ADAM2: variants seen among roughly 807,000 people sequenced by gnomAD.
The protein encoded by ADAM2 is ADAM metallopeptidase domain 2, also known as disintegrin and metalloproteinase domain-containing protein 2.
ADAM2 carries 101 observed loss-of-function variants against 99.3 expected under a neutral mutation model. The observed-to-expected ratio is 1.02, with a 90% CI of 0.87 to 1.20. The LOEUF (loss-of-function observed/expected upper bound fraction) is 1.20. Among genes scored for constraint, ADAM2 ranks in the 50% most tolerant of loss-of-function variants. The probability of loss-of-function intolerance (pLI) is 0.00; values close to 1 mark genes in which losing one functional copy is unlikely to be tolerated. For missense variants in ADAM2, 948 were observed against 878.7 expected, an observed-to-expected ratio of 1.08 and a Z score of -1.00; for synonymous variants, 323 against 287.6, an observed-to-expected ratio of 1.12 and a Z score of -1.25.
At chr8:39,748,675 G>A (rs567086313) in intron 18 of ADAM2, among the ~76,000 whole-genome samples, 4 of 152,212 alleles carry the variant, frequency 2.6e-5, no homozygotes, top group Admixed American at 6.5e-5. Flanking sequence ...ACAGGGAACC[G>A]CACTGCCCAA....
chr8:39,827,093 A>G (rs567044455), intron 3 of ADAM2, among the ~76,000 whole-genome samples: 1 of 152,316 alleles, frequency 6.6e-6, no homozygotes, highest in Admixed American at 6.5e-5. Context: ...AGACTTTCTC[A>G]AAAGAAGACA....
intron 7 of ADAM2, among the ~76,000 whole-genome samples, chr8:39,801,619 AG>A (rs755124545): frequency 2.6e-4 from 40 of 152,172 alleles, no homozygotes; most frequent in Non-Finnish European, 5.3e-4. Context: ...CCAGGAGGAG[AG>A]GCTAATTCTG....
At chr8:39,762,869 T>A (rs1289511739) in intron 14 of ADAM2, among the ~76,000 whole-genome samples, 1 of 152,238 alleles carries the variant, frequency 6.6e-6, no homozygotes, top group Non-Finnish European at 1.5e-5. Flanking sequence ...TATACCTATA[T>A]CTATCTATCT....
At chr8:39,747,025 G>A (rs1047363607) in intron 18 of ADAM2, among the ~76,000 whole-genome samples, 5 of 152,100 alleles carry the variant, frequency 3.3e-5, no homozygotes, top group Non-Finnish European at 5.9e-5. Context: ...CCAAGAATTT[G>A]GTTCAGTTCA....
intron 7 of ADAM2, among the ~76,000 whole-genome samples, chr8:39,791,662 A>C (rs1170943783): frequency 6.6e-6 from 1 of 152,004 alleles, no homozygotes; most frequent in Admixed American, 6.6e-5. Context: ...TTTCCAGTTC[A>C]AGGTCCTTTT....
At chr8:39,821,489 G>T in intron 5 of ADAM2, 97 bp downstream of exon 5, 1 of 942,460 alleles carries the variant, frequency 1.1e-6, no homozygotes, top group Non-Finnish European at 1.6e-6. Context: ...CAATAGTCAT[G>T]CCACACTTTA....
At chr8:39,812,135 A>G (rs1804728339) in intron 6 of ADAM2, among the ~76,000 whole-genome samples, 1 of 152,174 alleles carries the variant, frequency 6.6e-6, no homozygotes, top group Non-Finnish European at 1.5e-5. Context: ...ACAATAACAG[A>G]CAAACAGAGA....
At chr8:39,768,557 A>G (rs1162793306) in intron 12 of ADAM2, among the ~76,000 whole-genome samples, 2 of 152,206 alleles carry the variant, frequency 1.3e-5, no homozygotes, top group East Asian at 3.8e-4. Context: ...TGACTTAAAT[A>G]TCGACCTGGA....
intron 4 of ADAM2, among the ~76,000 whole-genome samples, chr8:39,824,615 A>C (rs1805326270): frequency 6.6e-6 from 1 of 152,200 alleles, no homozygotes; most frequent in South Asian, 2.1e-4. Context: ...ATAGTTTAGA[A>C]ACACTACAAT....
intron 15 of ADAM2, among the ~76,000 whole-genome samples, chr8:39,757,661 A>T (rs1263678875): frequency 6.6e-6 from 1 of 152,100 alleles, no homozygotes; most frequent in Non-Finnish European, 1.5e-5. Flanking sequence ...GAAATGAACA[A>T]TGTTTTCAGC....
chr8:39,829,616 A>C (rs1156954851), intron 3 of ADAM2, among the ~76,000 whole-genome samples: 1 of 151,996 alleles, frequency 6.6e-6, no homozygotes, highest in African/African-American at 2.4e-5. Flanking sequence ...AAATGTAATT[A>C]TGAAAGTGCA....
intron 2 of ADAM2, among the ~76,000 whole-genome samples, chr8:39,834,926 A>T (rs1345174802): frequency 6.6e-6 from 1 of 152,084 alleles, no homozygotes; most frequent in Non-Finnish European, 1.5e-5. Context: ...GTGTCTTCAT[A>T]TCCACATGTG....
At chr8:39,833,550 A>G (rs1805699280) in intron 3 of ADAM2, among the ~76,000 whole-genome samples, 1 of 152,108 alleles carries the variant, frequency 6.6e-6, no homozygotes, top group African/African-American at 2.4e-5. Flanking sequence ...AGTTTTGATA[A>G]AGTATGTAAA....
In ADAM2 at chr8:39,821,136, T is replaced by G; in HGVS notation, c.379A>C (p.Ile127Leu). 6.2e-7 allele frequency: 1 copy of G among 1,605,154 alleles called. No homozygotes were observed. Among genetic ancestry groups the G allele is most frequent in the Non-Finnish European group, 8.5e-7 (1 of 1,176,704 alleles). ...CCAACTGAAGACTCCAGGGGTTCTA[T>G]TCCATAACTAACATTTTCAAACTGT... ...VLQFENVSYG[I>L]EPLESSVGFE... Residue 127 changes from isoleucine (I) to leucine (L), a missense_variant, in exon 6 of 21, where the codon ATA becomes CTA. Transcript: ENST00000265708.
At chr8:39,812,604 C>T (rs1804752522) in intron 6 of ADAM2, among the ~76,000 whole-genome samples, 3 of 152,086 alleles carry the variant, frequency 2.0e-5, no homozygotes, top group Admixed American at 1.3e-4. Flanking sequence ...CAGATCAGAG[C>T]CCTCAGAAAT....
At chr8:39,766,518 G>T (rs1230843506) in intron 14 of ADAM2, among the ~76,000 whole-genome samples, 1 of 150,860 alleles carries the variant, frequency 6.6e-6, no homozygotes, top group Non-Finnish European at 1.5e-5. Context: ...CAGCTCACTG[G>T]AACCTCAGCC....
rs528138627 is a variant in ADAM2, at chr8:39,773,128, A to T, written c.1029-3553T>A. 2.0e-5 allele frequency among the ~76,000 whole-genome samples: 3 copies of T among 152,046 alleles called. No homozygotes were observed. The East Asian group carries it at 5.8e-4, about 29-fold the overall frequency. ...ACCACAGCAGATATTAAATCAGATA[A>T]CAAAAAGATACTTAGGAAATCCACA... On this transcript the variant is annotated intron_variant, in intron 11 of 20. Transcript: ENST00000265708.
chr8:39,787,540 C>CTA (rs1243878284), intron 9 of ADAM2, among the ~76,000 whole-genome samples: 93 of 121,384 alleles, frequency 7.7e-4, no homozygotes, highest in East Asian at 3.9e-3. Context: ...AACTCTCTCT[C>CTA]TCTATATATA....
intron 6 of ADAM2, among the ~76,000 whole-genome samples, chr8:39,811,046 C>CTT (rs1359380458): frequency 6.6e-6 from 1 of 151,540 alleles, no homozygotes; most frequent in Non-Finnish European, 1.5e-5. Context: ...ACTAGCAAGA[C>CTT]TAATAAAGAA....
Sources: allele counts gnomAD v4.1 joint callset (sites outside exome capture counted in the v4.1 genomes callset), GRCh38; gene constraint gnomAD v4.1.1; transcripts MANE v1.5; gene names NCBI Gene and HGNC (gene_info 2026-07-23, HGNC 2026-07-21).